Variants in RUNX2 observed in about 807,000 individuals in gnomAD.
RUNX2 encodes the protein runt-related transcription factor 2.
RUNX2 carries 10 observed loss-of-function variants against 51.7 expected under a neutral mutation model. That is an observed-to-expected ratio of 0.19 (90% CI 0.12 to 0.33). RUNX2 has a LOEUF of 0.33. RUNX2 is among the 10% of genes least tolerant of loss of function. The probability of loss-of-function intolerance (pLI) is 1.00; values close to 1 mark genes in which losing one functional copy is unlikely to be tolerated. For synonymous variants in RUNX2, 276 were observed against 273.6 expected (o/e 1.01, Z -0.09); for missense variants, 562 against 691.3 (o/e 0.81, Z 2.10).
chr6:45,401,633 C>T (rs534973145), intron 2 of RUNX2, among the ~76,000 whole-genome samples: 3 of 152,310 alleles, frequency 2.0e-5, no homozygotes, highest in South Asian at 4.1e-4. Flanking sequence ...AAAACTGCAA[C>T]CAGTAATTGA....
intron 8 of RUNX2, among the ~76,000 whole-genome samples, 158 bp downstream of exon 8, chr6:45,545,440 G>A (rs530324343): frequency 2.4e-4 from 36 of 152,270 alleles, no homozygotes; most frequent in Non-Finnish European, 4.6e-4. Context: ...CTTGCATTTT[G>A]TGAAGATTAT....
intron 2 of RUNX2, among the ~76,000 whole-genome samples, chr6:45,404,474 T>C (rs1797791378): frequency 6.6e-6 from 1 of 152,190 alleles, no homozygotes; most frequent in Non-Finnish European, 1.5e-5. Context: ...TCCCCATTTA[T>C]TGAAACGGCC....
chr6:45,380,048 T>G (rs913559508), intron 2 of RUNX2, among the ~76,000 whole-genome samples: 31 of 152,348 alleles, frequency 2.0e-4, no homozygotes, highest in Admixed American at 1.2e-3. Context: ...CCTCCTGGAA[T>G]TTCTTAAAAT....
rs141996783 is a variant in RUNX2 at position 45,471,339 on chromosome 6, T to A, written c.686-20602T>A. On this transcript the variant is annotated intron_variant, in intron 5 of 8. Coordinates refer to ENST00000647337, the MANE Select transcript of RUNX2 (RefSeq NM_001024630.4). Reference sequence around the variant, plus strand: ...TTTATGGATATAAGTCAGGGAATCATCCTCTTTCTAAGTTCCTGAAAAGCA... The same window carrying A: ...TTTATGGATATAAGTCAGGGAATCAACCTCTTTCTAAGTTCCTGAAAAGCA... 1.4e-4 allele frequency among the ~76,000 whole-genome samples: 22 copies of A among 152,226 alleles called. No individual in the cohort carries two copies. In the East Asian group the frequency reaches 4.2e-3, roughly 29 times the overall value.
At chr6:45,413,456 T>G (rs1376147266) in intron 2 of RUNX2, among the ~76,000 whole-genome samples, 1 of 72,894 alleles carries the variant, frequency 1.4e-5, no homozygotes, top group Non-Finnish European at 2.8e-5. Flanking sequence ...TTTTTTTTTT[T>G]GAGACAGCCT....
intron 2 of RUNX2, chr6:45,372,013 T>A (rs1796138559): frequency 1.1e-6 from 1 of 942,150 alleles, no homozygotes; most frequent in Non-Finnish European, 1.3e-6. Flanking sequence ...CTACTATACA[T>A]CAAAGAATAT....
At chr6:45,539,821 C>T (rs888217729) in intron 7 of RUNX2, among the ~76,000 whole-genome samples, 3 of 152,176 alleles carry the variant, frequency 2.0e-5, no homozygotes, top group Non-Finnish European at 4.4e-5. Flanking sequence ...ATATGTGGTT[C>T]TTCCTCTTCA....
chr6:45,365,375 A>C, intron 2 of RUNX2: 1 of 1,002,350 alleles, frequency 1.0e-6, no homozygotes. Context: ...AAGAAAGCAA[A>C]TATAAATTAC....
At chr6:45,502,834 A>T (rs1187717075) in intron 6 of RUNX2, among the ~76,000 whole-genome samples, 12 of 152,228 alleles carry the variant, frequency 7.9e-5, no homozygotes, top group Non-Finnish European at 2.9e-5. Context: ...GACCTATTGC[A>T]TTTAGGATAA....
chr6:45,468,413 T>G (rs1799700206), intron 5 of RUNX2, among the ~76,000 whole-genome samples: 1 of 152,206 alleles, frequency 6.6e-6, no homozygotes, highest in Non-Finnish European at 1.5e-5. Context: ...GCCAGCTTCT[T>G]GAACATGTGT....
chr6:45,411,091 A>G (rs1371384218), intron 2 of RUNX2, among the ~76,000 whole-genome samples: 1 of 152,200 alleles, frequency 6.6e-6, no homozygotes, highest in Non-Finnish European at 1.5e-5. Flanking sequence ...AAACCTTCTG[A>G]AAGTTTTTTT....
At chr6:45,366,497 G>T (rs1001220755) in intron 2 of RUNX2, among the ~76,000 whole-genome samples, 1 of 152,116 alleles carries the variant, frequency 6.6e-6, no homozygotes, top group Non-Finnish European at 1.5e-5. Context: ...GTAATAAGCA[G>T]ACCTTAAGAA....
At chr6:45,423,683 A>C (rs563295819) in intron 3 of RUNX2, among the ~76,000 whole-genome samples, 213 of 148,682 alleles carry the variant, frequency 1.4e-3, no homozygotes, top group African/African-American at 5.2e-3. Context: ...TAGGGTCTCC[A>C]GAGGAGGGGG....
intron 7 of RUNX2, among the ~76,000 whole-genome samples, chr6:45,527,751 A>G (rs1473375958): frequency 6.6e-6 from 1 of 152,166 alleles, no homozygotes; most frequent in Non-Finnish European, 1.5e-5. Context: ...GAAAATTTTT[A>G]GGTTTTTGTA....
At chr6:45,367,912 T>G (rs377405316) in intron 2 of RUNX2, among the ~76,000 whole-genome samples, 4 of 152,208 alleles carry the variant, frequency 2.6e-5, no homozygotes, top group African/African-American at 7.2e-5. Context: ...TTAGACTCTT[T>G]AAAATAATTA....
intron 7 of RUNX2, among the ~76,000 whole-genome samples, chr6:45,527,965 G>C (rs745619412): frequency 1.3e-5 from 2 of 152,152 alleles, no homozygotes; most frequent in Non-Finnish European, 2.9e-5. Context: ...TGGGTTTAAT[G>C]GACTCACAGT....
chr6:45,485,382 A>G (rs1800242908), intron 5 of RUNX2, among the ~76,000 whole-genome samples: 1 of 151,226 alleles, frequency 6.6e-6, no homozygotes, highest in Non-Finnish European at 1.5e-5. Flanking sequence ...TCATATTTTT[A>G]GTAGAAACGG....
At chr6:45,447,342 G>T (rs962145303) in intron 5 of RUNX2, among the ~76,000 whole-genome samples, 3 of 152,120 alleles carry the variant, frequency 2.0e-5, no homozygotes, top group African/African-American at 7.2e-5. Context: ...GCAAGATTTT[G>T]TTATTGAAAG....
intron 2 of RUNX2, among the ~76,000 whole-genome samples, chr6:45,386,923 G>C (rs1032040606): frequency 7.2e-5 from 11 of 152,108 alleles, no homozygotes; most frequent in Non-Finnish European, 1.5e-4. Context: ...TTTTTTTAAT[G>C]CAATGACATA....
Sources: allele counts gnomAD v4.1 joint callset (sites outside exome capture counted in the v4.1 genomes callset), GRCh38; gene constraint gnomAD v4.1.1; transcripts MANE v1.5; gene names NCBI Gene and HGNC (gene_info 2026-07-23, HGNC 2026-07-21).